Variants in SYNE2 observed in about 807,000 individuals in gnomAD.
SYNE2 encodes the protein nesprin-2.
SYNE2 carries 431 observed loss-of-function variants against 856.3 expected under a neutral mutation model. That is an observed-to-expected ratio of 0.50 (90% CI 0.47 to 0.55). The LOEUF (loss-of-function observed/expected upper bound fraction) is 0.55. Ranked by LOEUF, SYNE2 falls within the 20% of genes least tolerant of loss-of-function variation. The pLI is 0.00. For synonymous variants in SYNE2, 2,923 were observed against 2,872.3 expected (o/e 1.02, Z -0.56); for missense variants, 8,129 against 8,023.2 (o/e 1.01, Z -0.50).
chr14:64,110,498 C>T (rs1169717132), intron 65 of SYNE2, among the ~76,000 whole-genome samples: 1 of 150,880 alleles, frequency 6.6e-6, no homozygotes, highest in South Asian at 2.1e-4. Context: ...TGGTAAGAGC[C>T]CAATAAAGGC....
intron 51 of SYNE2, among the ~76,000 whole-genome samples, chr14:64,068,725 G>A (rs1176443213): frequency 6.6e-6 from 1 of 152,024 alleles, no homozygotes; most frequent in Admixed American, 6.6e-5. Context: ...AGCCAGGCAT[G>A]GTGGCAGGTG....
chr14:63,867,370 C>T (rs1237960862), intron 1 of SYNE2, among the ~76,000 whole-genome samples: 2 of 138,496 alleles, frequency 1.4e-5, no homozygotes, highest in African/African-American at 2.6e-5. Flanking sequence ...CTTCTGTGCC[C>T]TTCCTCCTCT....
intron 2 of SYNE2, among the ~76,000 whole-genome samples, chr14:63,913,345 G>A (rs1345541389): frequency 6.6e-6 from 1 of 152,038 alleles, no homozygotes; most frequent in African/African-American, 2.4e-5. Context: ...TTATGAATTT[G>A]AGTGGGTTTC....
At chr14:63,967,471 G>A (rs974396320) in intron 10 of SYNE2, among the ~76,000 whole-genome samples, 3 of 152,142 alleles carry the variant, frequency 2.0e-5, no homozygotes, top group Non-Finnish European at 2.9e-5. Context: ...CTCCATTCCA[G>A]TATAAATCCA....
intron 87 of SYNE2, among the ~76,000 whole-genome samples, chr14:64,161,249 T>TGGGA (rs936305820): frequency 2.7e-5 from 4 of 150,908 alleles, no homozygotes; most frequent in African/African-American, 9.8e-5. Context: ...GGGGCTGAGA[T>TGGGA]GGGAGGATCA....
intron 99 of SYNE2, among the ~76,000 whole-genome samples, chr14:64,195,429 A>T (rs1037692896): frequency 1.8e-4 from 28 of 152,192 alleles, no homozygotes; most frequent in African/African-American, 6.3e-4. Context: ...TTATTAAGCC[A>T]CTGACAAGGA....
At chr14:64,134,768 G>A (rs1444466232) in intron 78 of SYNE2, among the ~76,000 whole-genome samples, 5 of 151,926 alleles carry the variant, frequency 3.3e-5, no homozygotes, top group African/African-American at 1.2e-4. Flanking sequence ...CCTGGGCTCA[G>A]GAGTTTGAGA....
At chr14:64,198,938 T>C (rs368627588) in intron 99 of SYNE2, among the ~76,000 whole-genome samples, 160 of 152,354 alleles carry the variant, frequency 1.1e-3, no homozygotes, top group African/African-American at 3.6e-3. Context: ...GTGTCAACAT[T>C]ACATCTAAAT....
Position 64,223,219 on chromosome 14 carries a change from C to A in SYNE2, c.20221C>A (p.Pro6741Thr). 6.2e-7 allele frequency: 1 copy of A among 1,614,052 alleles called. No homozygotes were observed. Among genetic ancestry groups the A allele is most frequent in the Non-Finnish European group, 8.5e-7 (1 of 1,179,964 alleles). ...QLEKELVERQ[P>T]QVDMLQEISN... Reference sequence around the variant, plus strand: ...GGAAAAGGAGCTGGTAGAACGTCAACCTCAAGTGGACATGTTACAGGAGAT... The same window carrying A: ...GGAAAAGGAGCTGGTAGAACGTCAAACTCAAGTGGACATGTTACAGGAGAT... The change falls in exon 113 of 116, where the codon CCT becomes ACT. Residue 6741 changes from proline to threonine, a missense_variant. By Grantham distance (38) the Pro-to-Thr change is conservative. Transcript: ENST00000555002.
Position 64,212,083 on chromosome 14 carries a change from G to C in SYNE2, c.18846G>C (p.Lys6282Asn). ...EHFSESDADD[K>N]MRQLNGFQQE... ...TCTCAGAGAGTGACGCCGATGACAA[G>C]ATGCGCCAACTGAATGTGAGGGCTG... Residue 6282 changes from lysine to asparagine, a missense_variant, in exon 104 of 116, where the codon AAG (lysine) becomes AAC (asparagine). Around this residue, in one of 3 missense-constraint regions of SYNE2, gnomAD observed 5,410 missense variants for 5,284.8 expected, o/e 1.02. Transcript: ENST00000555002. 6.2e-7 allele frequency: 1 copy of C among 1,614,144 alleles called. No individual in the cohort carries two copies. Among genetic ancestry groups the C allele is most frequent in the Non-Finnish European group, 8.5e-7 (1 of 1,180,042 alleles).
chr14:64,216,280 G>A lies in SYNE2; in HGVS notation c.19435G>A (p.Val6479Ile), dbSNP rs1488739787. The change falls in exon 108 of 116, where the codon GTT (valine) becomes ATT (isoleucine). Residue 6479 changes from valine to isoleucine, a missense_variant. By Grantham distance (29) the Val-to-Ile change is conservative. Coordinates refer to ENST00000555002, the MANE Select transcript of SYNE2 (RefSeq NM_182914.3). ...KSISDGHSWH[V>I]PDSPSCPEHH... ...CATTTCGGATGGCCACTCGTGGCAT[G>A]TTCCCGACAGCCCTTCCTGTCCCGA... The A allele has an allele frequency of 1.2e-6, 2 of 1,614,206 alleles. No homozygotes were observed. The highest frequency in any genetic ancestry group is 2.2e-5 in the South Asian group (2 of 91,084).
At chr14:63,945,104 C>CTTT (rs34692882) in intron 6 of SYNE2, among the ~76,000 whole-genome samples, 4 of 106,252 alleles carry the variant, frequency 3.8e-5, no homozygotes, top group Non-Finnish European at 7.4e-5. Flanking sequence ...CACACCTGGC[C>CTTT]TTTTTTTTTT....
At chr14:64,003,530 A>G (rs1004872738) in intron 30 of SYNE2, among the ~76,000 whole-genome samples, 200 bp downstream of exon 30, 1 of 152,120 alleles carries the variant, frequency 6.6e-6, no homozygotes, top group Non-Finnish European at 1.5e-5. Context: ...ACGTTGCATA[A>G]TTTTTTTCCT....
At chr14:63,963,858 C>A (rs376474713) in intron 9 of SYNE2, 41 bp from the exon 10 acceptor site, 1 of 1,473,006 alleles carries the variant, frequency 6.8e-7, no homozygotes, top group African/African-American at 1.4e-5. Flanking sequence ...AAAACCAAGC[C>A]CGTTTAAAAT....
chr14:63,971,664 C>T (rs1052061267), intron 11 of SYNE2, among the ~76,000 whole-genome samples: 1 of 149,334 alleles, frequency 6.7e-6, no homozygotes. Context: ...CTAGGTATTT[C>T]CCATGTTCTT....
At chr14:63,897,805 C>T (rs552720895) in intron 1 of SYNE2, among the ~76,000 whole-genome samples, 1 of 152,292 alleles carries the variant, frequency 6.6e-6, no homozygotes, top group African/African-American at 2.4e-5. Flanking sequence ...TGCTCCTGCT[C>T]CCAGGAGATG....
At chr14:64,140,591 T>C (rs2098131430) in intron 80 of SYNE2, among the ~76,000 whole-genome samples, 1 of 152,076 alleles carries the variant, frequency 6.6e-6, no homozygotes, top group Non-Finnish European at 1.5e-5. Context: ...CTCAAAAAAC[T>C]TGCACTGACA....
At chr14:63,839,527 A>G (rs1180287438) in intron 1 of SYNE2, among the ~76,000 whole-genome samples, 3 of 152,032 alleles carry the variant, frequency 2.0e-5, no homozygotes, top group Non-Finnish European at 2.9e-5. Context: ...CTGATTTATA[A>G]AAGTTCTAGA....
At chr14:63,871,262 A>G (rs901190648) in intron 1 of SYNE2, among the ~76,000 whole-genome samples, 17 of 151,510 alleles carry the variant, frequency 1.1e-4, no homozygotes, top group Admixed American at 2.6e-4. Context: ...CTGGAGTGCA[A>G]TGGCTGGATC....
Sources: allele counts gnomAD v4.1 joint callset (sites outside exome capture counted in the v4.1 genomes callset), GRCh38; gene constraint gnomAD v4.1.1; regional missense constraint gnomAD v4.1.1; transcripts MANE v1.5; gene names NCBI Gene and HGNC (gene_info 2026-07-23, HGNC 2026-07-21).